NLGN1: variants seen among roughly 807,000 people sequenced by gnomAD.
NLGN1 encodes the protein neuroligin-1.
A neutral mutation model predicts 65.5 loss-of-function variants in NLGN1; 12 were observed. The observed-to-expected ratio is 0.18, with a 90% CI of 0.12 to 0.30. The LOEUF (loss-of-function observed/expected upper bound fraction) is 0.30, where lower values mean the gene tolerates loss of function less well. Ranked by LOEUF, NLGN1 falls within the 10% of genes least tolerant of loss-of-function variation. The pLI, the probability that NLGN1 is intolerant of heterozygous loss-of-function variation, is 1.00. For synonymous variants in NLGN1, 350 were observed against 359.5 expected (o/e 0.97, Z 0.30); for missense variants, 750 against 1,007.1 (o/e 0.74, Z 3.46).
chr3:173,975,154 T>C (rs1048016426), intron 4 of NLGN1, among the ~76,000 whole-genome samples: 4 of 152,052 alleles, frequency 2.6e-5, no homozygotes, highest in Non-Finnish European at 4.4e-5. Context: ...TACAGTTGTC[T>C]TTAGGTAAAG....
chr3:173,819,204 A>G (rs1335741602), intron 4 of NLGN1, among the ~76,000 whole-genome samples: 2 of 151,822 alleles, frequency 1.3e-5, no homozygotes, highest in Non-Finnish European at 2.9e-5. Flanking sequence ...TTCTATTCCC[A>G]TTGCTACTAC....
rs567973064 is a variant in NLGN1, at chr3:173,670,514, A to T, written c.493+65423A>T. Among the ~76,000 whole-genome samples, 3 of 152,122 alleles carry T rather than the reference A, an allele frequency of 2.0e-5. No individual in the cohort carries two copies. The East Asian group carries it at 5.8e-4, about 29-fold the overall frequency. On this transcript the variant is annotated intron_variant, in intron 3 of 6. Coordinates refer to ENST00000457714, the Ensembl canonical transcript of NLGN1. The stretch of plus-strand genomic sequence containing the variant: ...GTGTGCCATTTGCTAATTATAAGTT[A>T]TTGGTGGTTTTTTTTCAGAAGTTCT...
intron 4 of NLGN1, among the ~76,000 whole-genome samples, chr3:174,045,433 T>C (rs2152495218): frequency 6.6e-6 from 1 of 152,186 alleles, no homozygotes; most frequent in East Asian, 2.0e-4. Flanking sequence ...GAGAACAGCA[T>C]GGAAGGACTA....
At chr3:174,002,746 G>T (rs1723554691) in intron 4 of NLGN1, among the ~76,000 whole-genome samples, 1 of 151,676 alleles carries the variant, frequency 6.6e-6, no homozygotes, top group Non-Finnish European at 1.5e-5. Context: ...GCACCCCCTG[G>T]GGGAAAAAAA....
At chr3:173,686,585 G>T (rs1764711907) in intron 3 of NLGN1, among the ~76,000 whole-genome samples, 1 of 151,948 alleles carries the variant, frequency 6.6e-6, no homozygotes, top group Non-Finnish European at 1.5e-5. Flanking sequence ...CTAATCATAG[G>T]CATGCTATTG....
intron 4 of NLGN1, among the ~76,000 whole-genome samples, chr3:174,013,650 A>G (rs1482767654): frequency 1.3e-5 from 2 of 152,224 alleles, no homozygotes; most frequent in Non-Finnish European, 2.9e-5. Context: ...CAGAGAAAAC[A>G]TTAGATAAAT....
At chr3:173,994,008 A>G (rs1221629704) in intron 4 of NLGN1, among the ~76,000 whole-genome samples, 3 of 152,160 alleles carry the variant, frequency 2.0e-5, no homozygotes, top group Non-Finnish European at 4.4e-5. Flanking sequence ...GTAAGTAAAT[A>G]TTCCAGATCA....
chr3:174,024,396 C>T (rs913872174), intron 4 of NLGN1, among the ~76,000 whole-genome samples: 2 of 152,002 alleles, frequency 1.3e-5, no homozygotes, highest in Non-Finnish European at 2.9e-5. Flanking sequence ...CATCCCTCCT[C>T]AGAGGAATAG....
downstream of NLGN1, among the ~76,000 whole-genome samples, chr3:174,290,386 G>T (rs1315668889): frequency 6.6e-6 from 1 of 150,738 alleles, no homozygotes; most frequent in Admixed American, 6.6e-5. Flanking sequence ...AGATGCCTCA[G>T]CTAACAATAT....
chr3:173,928,698 G>C, intron 4 of NLGN1, among the ~76,000 whole-genome samples: 1 of 137,224 alleles, frequency 7.3e-6, no homozygotes, highest in Admixed American at 7.4e-5. Context: ...TTTTGAGATA[G>C]AGTCTCTCTG....
chr3:173,787,175 C>T (rs1158849543), intron 3 of NLGN1, among the ~76,000 whole-genome samples: 5 of 152,058 alleles, frequency 3.3e-5, no homozygotes. Context: ...ATTGCAGCTT[C>T]TCTTAGTGTA....
At chr3:173,499,064 T>A (rs896246556) in intron 2 of NLGN1, among the ~76,000 whole-genome samples, 4 of 150,772 alleles carry the variant, frequency 2.7e-5, no homozygotes, top group African/African-American at 4.9e-5. Flanking sequence ...TTGAATTAGA[T>A]CCCATTTGTC....
intron 3 of NLGN1, among the ~76,000 whole-genome samples, chr3:173,693,525 A>G (rs543738778): frequency 1.5e-4 from 23 of 152,046 alleles, no homozygotes; most frequent in Non-Finnish European, 3.4e-4. Flanking sequence ...ATTGAAGAGA[A>G]TTTTCTTTAC....
At chr3:174,008,304 G>A (rs1183087621) in intron 4 of NLGN1, among the ~76,000 whole-genome samples, 2 of 151,974 alleles carry the variant, frequency 1.3e-5, no homozygotes, top group African/African-American at 2.4e-5. Context: ...AGCATGTTAC[G>A]TAGGCAAACC....
intron 4 of NLGN1, among the ~76,000 whole-genome samples, chr3:174,208,012 G>T (rs1197108939): frequency 6.6e-6 from 1 of 152,068 alleles, no homozygotes; most frequent in Non-Finnish European, 1.5e-5. Context: ...ACATTATAAA[G>T]CAAACCTTTA....
chr3:174,221,830 A>T (rs1738714958), intron 4 of NLGN1, among the ~76,000 whole-genome samples: 1 of 151,808 alleles, frequency 6.6e-6, no homozygotes, highest in African/African-American at 2.4e-5. Context: ...CTTGATATGT[A>T]GCTGCGTCAT....
At chr3:173,770,638 G>T (rs1304396148) in intron 3 of NLGN1, among the ~76,000 whole-genome samples, 4 of 151,958 alleles carry the variant, frequency 2.6e-5, no homozygotes, top group African/African-American at 9.7e-5. Context: ...ATAGATTTTG[G>T]AGTGAGAAAC....
intron 4 of NLGN1, among the ~76,000 whole-genome samples, chr3:174,049,601 C>T (rs1734370339): frequency 6.6e-6 from 1 of 152,028 alleles, no homozygotes; most frequent in African/African-American, 2.4e-5. Context: ...TCCCTATCTC[C>T]CTGCCATCTT....
At chr3:174,054,954 C>A (rs1239884900) in intron 4 of NLGN1, among the ~76,000 whole-genome samples, 1 of 151,884 alleles carries the variant, frequency 6.6e-6, no homozygotes, top group Non-Finnish European at 1.5e-5. Flanking sequence ...CTGTAATGAC[C>A]CTTTCTTCTG....
Sources: allele counts gnomAD v4.1 joint callset (sites outside exome capture counted in the v4.1 genomes callset), GRCh38; gene constraint gnomAD v4.1.1; transcripts MANE v1.5; gene names NCBI Gene and HGNC (gene_info 2026-07-23, HGNC 2026-07-21).